PALLD: variants seen among roughly 807,000 people sequenced by gnomAD.
PALLD encodes palladin, cytoskeletal associated protein.
In PALLD, 61 loss-of-function variants were observed where a neutral mutation model predicts 123.5. The observed-to-expected ratio is 0.49, with a 90% CI of 0.40 to 0.61. The LOEUF is 0.61. PALLD is among the 20% of genes least tolerant of loss of function. The pLI is 0.00. For missense variants in PALLD, 1,273 were observed against 1,377.0 expected, an observed-to-expected ratio of 0.92 and a Z score of 1.20; for synonymous variants, 465 against 496.4, an observed-to-expected ratio of 0.94 and a Z score of 0.84.
rs201234473 is a variant in PALLD at position 168,816,411 on chromosome 4, A to ATTTTTTTT, written c.1965-74510_1965-74509insTTTTTTTT. Among the ~76,000 whole-genome samples the ATTTTTTTT allele has an allele frequency of 1.3e-4, 15 of 113,696 alleles. No individual in the cohort carries two copies. In the East Asian group the frequency reaches 3.5e-3, roughly 26 times the overall value. The allele number at this position is 113,696 out of a possible 152,430, so 74.6% of individuals were successfully genotyped here. A position where few individuals can be genotyped will look rare whatever the true frequency, so the allele number is the denominator to read the frequency against. ...TGTGTATATATATATATATATATAT[A>ATTTTTTTT]TATTTTTTTTAAGTATTAGATTGGA... On this transcript the variant is annotated intron_variant, in intron 10 of 21. Transcript: ENST00000505667.
chr4:168,630,556 G>T (rs893931328), intron 2 of PALLD, among the ~76,000 whole-genome samples: 2 of 152,178 alleles, frequency 1.3e-5, no homozygotes, highest in Admixed American at 6.5e-5. Context: ...AATACTGTTT[G>T]CACTATCTCT....
At chr4:168,547,265 G>C (rs1475166126) in intron 2 of PALLD, among the ~76,000 whole-genome samples, 2 of 152,114 alleles carry the variant, frequency 1.3e-5, no homozygotes, top group African/African-American at 2.4e-5. Flanking sequence ...AAGTTTCCCT[G>C]TTTGTAAAGT....
At position 168,894,365 on chromosome 4, in the gene PALLD, G is replaced by C. The variant is rs981943309; in HGVS notation, c.2101-214G>C. 16 of 575,532 alleles carry C rather than the reference G, an allele frequency of 2.8e-5. 1 individual carries two copies. The highest frequency in any genetic ancestry group is 1.4e-4 in the South Asian group (7 of 50,110). 35.7% of individuals were successfully genotyped at this position (575,532 alleles called of 1,614,324 possible). Reference sequence around the variant, plus strand: ...ACTTTAAATTTGTGCTGTACCAATTGGTGGCTCTCTGGATTAGGCCATTAG... The same window carrying C: ...ACTTTAAATTTGTGCTGTACCAATTCGTGGCTCTCTGGATTAGGCCATTAG... On this transcript the variant is annotated intron_variant, in intron 11 of 21. Coordinates refer to ENST00000505667, the MANE Select transcript of PALLD (RefSeq NM_001166108.2).
At position 168,848,178 on chromosome 4, in the gene PALLD, C is replaced by T. The variant is rs527402476; in HGVS notation, c.1965-42744C>T. Among the ~76,000 whole-genome samples the T allele has an allele frequency of 1.3e-3, 182 of 137,318 alleles. 1 individual carries two copies. The highest frequency in any genetic ancestry group is 5.4e-3 in the African/African-American group (176 of 32,434). The allele number at this position is 137,318 out of a possible 152,430, so 90.1% of individuals were successfully genotyped here. ...CACCCCACCCCACCCCACCCCACCC[C>T]TGGGCAAAGTGAAAGTGAAGCAAAC... On this transcript the variant is annotated intron_variant, in intron 10 of 21. Coordinates refer to ENST00000505667, the MANE Select transcript of PALLD (RefSeq NM_001166108.2).
intron 6 of PALLD, among the ~76,000 whole-genome samples, chr4:168,686,124 G>A (rs542738243): frequency 5.3e-5 from 8 of 152,102 alleles, no homozygotes; most frequent in Middle Eastern, 3.4e-3. Flanking sequence ...CTAATAGACC[G>A]TATAAAGCCA....
chr4:168,923,985 G>A (rs1361713760), intron 18 of PALLD, among the ~76,000 whole-genome samples: 1 of 152,186 alleles, frequency 6.6e-6, no homozygotes, highest in Non-Finnish European at 1.5e-5. Flanking sequence ...CCCACAGCTG[G>A]TCAGACAGGC....
chr4:168,861,300 A>G (rs1749429215), intron 10 of PALLD, among the ~76,000 whole-genome samples: 2 of 152,100 alleles, frequency 1.3e-5, no homozygotes, highest in South Asian at 4.1e-4. Flanking sequence ...AACTAAGTAA[A>G]AAAGCATTAG....
At chr4:168,566,595 G>C (rs1768415310) in intron 2 of PALLD, among the ~76,000 whole-genome samples, 1 of 152,098 alleles carries the variant, frequency 6.6e-6, no homozygotes, top group Non-Finnish European at 1.5e-5. Context: ...ACCATGCTCA[G>C]CTATCTCCAC....
chr4:168,549,313 GGCAGTGAAT>G lies in PALLD; in HGVS notation c.908+36905_908+36913del, dbSNP rs1766489084. ...GCAGCGTCTAAACCAAAAGCATAAG[GGCAGTGAAT>G]GCAAAACAGATGTTCATCTCGGTGG... On this transcript the variant is annotated intron_variant, in intron 2 of 21. Transcript: ENST00000505667. Among the ~76,000 whole-genome samples the G allele has an allele frequency of 2.6e-5, 4 of 151,046 alleles. No homozygotes were observed. In the South Asian group the frequency reaches 8.4e-4, roughly 32 times the overall value.
chr4:168,772,121 A>C (rs564918411), intron 10 of PALLD, among the ~76,000 whole-genome samples: 215 of 152,280 alleles, frequency 1.4e-3, no homozygotes, highest in Non-Finnish European at 2.1e-3. Flanking sequence ...CAGCCTTGCG[A>C]AATAGGACTA....
chr4:168,810,599 C>T (rs183059466), intron 10 of PALLD, among the ~76,000 whole-genome samples: 69 of 150,662 alleles, frequency 4.6e-4, no homozygotes, highest in African/African-American at 1.7e-3. Context: ...GCCGAGATCG[C>T]ACCATTGCAC....
intron 2 of PALLD, among the ~76,000 whole-genome samples, chr4:168,513,000 C>A (rs911737388): frequency 3.3e-5 from 5 of 151,842 alleles, no homozygotes; most frequent in Non-Finnish European, 5.9e-5. Flanking sequence ...TATGCCAAAG[C>A]CCTGCAACAT....
intron 2 of PALLD, among the ~76,000 whole-genome samples, chr4:168,548,569 T>C (rs1306531378): frequency 6.6e-6 from 1 of 151,836 alleles, no homozygotes; most frequent in Non-Finnish European, 1.5e-5. Flanking sequence ...GATGAGAGAG[T>C]CTGGCGAAAT....
chr4:168,654,540 A>G (rs919366418), intron 2 of PALLD, among the ~76,000 whole-genome samples: 3 of 152,278 alleles, frequency 2.0e-5, no homozygotes, highest in Admixed American at 1.3e-4. Context: ...TAGTTTTCCT[A>G]CTTTTAAAAA....
intron 2 of PALLD, among the ~76,000 whole-genome samples, chr4:168,577,704 T>C (rs1769770729): frequency 6.7e-6 from 1 of 149,856 alleles, no homozygotes; most frequent in African/African-American, 2.5e-5. Flanking sequence ...CCAGGGACTC[T>C]TGGAGGACCC....
intron 10 of PALLD, among the ~76,000 whole-genome samples, chr4:168,835,132 T>C (rs756336326): frequency 1.3e-5 from 2 of 152,230 alleles, no homozygotes; most frequent in Non-Finnish European, 2.9e-5. Flanking sequence ...AAAAGGTGTA[T>C]TCGACATTTT....
intron 2 of PALLD, among the ~76,000 whole-genome samples, chr4:168,583,765 C>T (rs1037062512): frequency 5.3e-5 from 8 of 152,156 alleles, no homozygotes; most frequent in Non-Finnish European, 1.5e-5. Context: ...TACCAATGTG[C>T]TTTTACTCTA....
At chr4:168,872,627 A>G (rs961415782) in intron 10 of PALLD, among the ~76,000 whole-genome samples, 3 of 152,170 alleles carry the variant, frequency 2.0e-5, no homozygotes, top group African/African-American at 7.2e-5. Flanking sequence ...TTGCACTCAC[A>G]ACCTCCCATA....
In PALLD at chr4:168,851,323, G is replaced by A. The variant is rs913098047; in HGVS notation, c.1965-39599G>A. Among the ~76,000 whole-genome samples the A allele has an allele frequency of 3.3e-5, 5 of 151,752 alleles. No individual in the cohort carries two copies. The East Asian group carries it at 5.8e-4, about 18-fold the overall frequency. ...TGTTTGATAACTTAATAGTACAACT[G>A]GCCAGTCTCTCGTAGATTTTTTGCA... On this transcript the variant is annotated intron_variant, in intron 10 of 21. Coordinates refer to ENST00000505667, the MANE Select transcript of PALLD (RefSeq NM_001166108.2).
Sources: allele counts gnomAD v4.1 joint callset (sites outside exome capture counted in the v4.1 genomes callset), GRCh38; gene constraint gnomAD v4.1.1; transcripts MANE v1.5; gene names NCBI Gene and HGNC (gene_info 2026-07-23, HGNC 2026-07-21).